The following CDH13 variants were observed in gnomAD, a reference collection of about 807,000 sequenced individuals.
The protein encoded by CDH13 is cadherin-13.
A neutral mutation model predicts 63.8 loss-of-function variants in CDH13; 24 were observed. That is an observed-to-expected ratio of 0.38 (90% CI 0.27 to 0.53). The LOEUF is 0.53. CDH13 is among the 20% of genes least tolerant of loss of function. CDH13 has a pLI of 0.85. For synonymous variants in CDH13, 503 were observed against 355.3 expected (o/e 1.42, Z -4.67); for missense variants, 1,049 against 903.1 (o/e 1.16, Z -2.07).
At chr16:83,280,877 C>T (rs78667009) in intron 5 of CDH13, among the ~76,000 whole-genome samples, 7,408 of 152,246 alleles carry the variant, frequency 0.049, 251 homozygotes, top group South Asian at 0.11. Context: ...TGAAATGAAC[C>T]TTTTTTTCCT....
intron 10 of CDH13, among the ~76,000 whole-genome samples, chr16:83,693,099 G>T (rs866370062): frequency 9.2e-5 from 14 of 152,072 alleles, no homozygotes; most frequent in South Asian, 6.2e-4. Context: ...AAAAAGAAAA[G>T]AAAAGTACAT....
At chr16:82,957,563 C>A (rs1379285209) in intron 2 of CDH13, among the ~76,000 whole-genome samples, 1 of 152,172 alleles carries the variant, frequency 6.6e-6, no homozygotes, top group Admixed American at 6.5e-5. Flanking sequence ...TACACGCCCC[C>A]CTGCTATCTT....
chr16:82,704,170 G>C (rs909148916), intron 1 of CDH13, among the ~76,000 whole-genome samples: 1 of 152,132 alleles, frequency 6.6e-6, no homozygotes, highest in Non-Finnish European at 1.5e-5. Context: ...GGGTGGGCAT[G>C]GGGGGTTGTA....
chr16:82,924,291 A>G (rs1411121595), intron 2 of CDH13, among the ~76,000 whole-genome samples: 2 of 152,178 alleles, frequency 1.3e-5, no homozygotes, highest in African/African-American at 4.8e-5. Flanking sequence ...TTGTTCATGC[A>G]GAGACAATAT....
intron 1 of CDH13, among the ~76,000 whole-genome samples, chr16:82,816,535 A>G (rs1237349595): frequency 6.6e-6 from 1 of 152,080 alleles, no homozygotes; most frequent in Non-Finnish European, 1.5e-5. Context: ...AGGCATCAAC[A>G]TTTGAGCTAA....
At chr16:83,196,035 C>T (rs943309989) in intron 4 of CDH13, among the ~76,000 whole-genome samples, 3 of 152,158 alleles carry the variant, frequency 2.0e-5, no homozygotes. Flanking sequence ...GCAGGCGGAT[C>T]ACCTGAGGTC....
At chr16:83,493,932 C>A (rs1464607976) in intron 7 of CDH13, among the ~76,000 whole-genome samples, 1 of 152,180 alleles carries the variant, frequency 6.6e-6, no homozygotes, top group Non-Finnish European at 1.5e-5. Context: ...AGCTGAGGAG[C>A]TACCACTTGA....
intron 6 of CDH13, among the ~76,000 whole-genome samples, chr16:83,456,249 G>A (rs911285875): frequency 1.3e-5 from 2 of 152,222 alleles, no homozygotes; most frequent in African/African-American, 4.8e-5. Flanking sequence ...TCGGGATGTG[G>A]CAGTTACAGG....
Position 83,779,399 on chromosome 16 carries a change from T to A in CDH13, c.1682-569T>A, listed in dbSNP as rs1287632708. Reference sequence around the variant, plus strand: ...TCCAGCCCGGGCGACAGCGCGAGACTCCATCTCAAAAAAAAAAAAAAAAAA... The same window carrying A: ...TCCAGCCCGGGCGACAGCGCGAGACACCATCTCAAAAAAAAAAAAAAAAAA... On this transcript the variant is annotated intron_variant, in intron 11 of 13. Coordinates refer to ENST00000567109, the MANE Select transcript of CDH13 (RefSeq NM_001257.5). Among the ~76,000 whole-genome samples the A allele has an allele frequency of 1.2e-4, 5 of 40,962 alleles. No homozygotes were observed. In the South Asian group the frequency reaches 3.0e-3, roughly 25 times the overall value. The allele number at this position is 40,962 out of a possible 152,430, so 26.9% of individuals were successfully genotyped here.
intron 5 of CDH13, among the ~76,000 whole-genome samples, chr16:83,238,421 AC>A (rs1408378113): frequency 6.6e-6 from 1 of 151,990 alleles, no homozygotes. Context: ...GGAAAGACCC[AC>A]CCCCATGATT....
At chr16:83,536,058 C>G (rs1178382817) in intron 7 of CDH13, among the ~76,000 whole-genome samples, 2 of 152,156 alleles carry the variant, frequency 1.3e-5, no homozygotes, top group Non-Finnish European at 2.9e-5. Context: ...AAAATTCACC[C>G]AGGACAACAT....
chr16:82,974,095 T>C (rs372149297), intron 2 of CDH13, among the ~76,000 whole-genome samples: 3 of 151,994 alleles, frequency 2.0e-5, no homozygotes, highest in Non-Finnish European at 2.9e-5. Context: ...GCCAACTGTT[T>C]TGTTTGTTTG....
chr16:82,849,632 C>G (rs1359414639), intron 1 of CDH13, among the ~76,000 whole-genome samples: 1 of 152,234 alleles, frequency 6.6e-6, no homozygotes, highest in Non-Finnish European at 1.5e-5. Context: ...ACATTTTCTA[C>G]ATGGTTAAAA....
At chr16:83,063,347 A>C (rs771257897) in intron 3 of CDH13, among the ~76,000 whole-genome samples, 1 of 152,184 alleles carries the variant, frequency 6.6e-6, no homozygotes, top group Non-Finnish European at 1.5e-5. Flanking sequence ...GAAGTTACAC[A>C]CCATCAGTTC....
intron 9 of CDH13, among the ~76,000 whole-genome samples, chr16:83,674,733 T>G (rs1436563016): frequency 2.0e-5 from 3 of 152,254 alleles, no homozygotes; most frequent in Non-Finnish European, 2.9e-5. Flanking sequence ...CCAGTGGCTC[T>G]GACAGATGAG....
At chr16:83,332,592 T>A (rs1012944718) in intron 5 of CDH13, among the ~76,000 whole-genome samples, 4 of 152,230 alleles carry the variant, frequency 2.6e-5, no homozygotes, top group South Asian at 2.1e-4. Context: ...TAAAGTATTA[T>A]ATTTCCCATC....
intron 7 of CDH13, among the ~76,000 whole-genome samples, chr16:83,570,235 A>C (rs1053278666): frequency 4.6e-5 from 7 of 152,122 alleles, no homozygotes; most frequent in Admixed American, 2.0e-4. Flanking sequence ...GTAGATGCCA[A>C]ACAGAGTATC....
chr16:83,467,847 G>C (rs1322747375), intron 6 of CDH13, among the ~76,000 whole-genome samples: 2 of 152,268 alleles, frequency 1.3e-5, no homozygotes, highest in African/African-American at 2.4e-5. Context: ...GGTCCGATGT[G>C]CACACTGGTA....
chr16:83,188,958 C>G (rs936230637), intron 4 of CDH13, among the ~76,000 whole-genome samples: 12 of 152,110 alleles, frequency 7.9e-5, no homozygotes, highest in African/African-American at 2.9e-4. Flanking sequence ...CTGTTTTTAA[C>G]TTTAGCTGTG....
Sources: allele counts gnomAD v4.1 joint callset (sites outside exome capture counted in the v4.1 genomes callset), GRCh38; gene constraint gnomAD v4.1.1; transcripts MANE v1.5; gene names NCBI Gene and HGNC (gene_info 2026-07-23, HGNC 2026-07-21).